ANAPC1: variants seen among roughly 807,000 people sequenced by gnomAD.
The protein encoded by ANAPC1 is anaphase-promoting complex subunit 1.
In ANAPC1, 36 loss-of-function variants were observed where a neutral mutation model predicts 208.0. That is an observed-to-expected ratio of 0.17 (90% CI 0.13 to 0.23). ANAPC1 has a LOEUF of 0.23. Ranked by LOEUF, ANAPC1 falls within the 10% of genes least tolerant of loss-of-function variation. The pLI, the probability that ANAPC1 is intolerant of heterozygous loss-of-function variation, is 1.00. For missense variants in ANAPC1, 942 were observed against 2,011.6 expected, an observed-to-expected ratio of 0.47 and a Z score of 10.17; for synonymous variants, 378 against 695.2, an observed-to-expected ratio of 0.54 and a Z score of 7.18.
At chr2:111,880,945 C>G in intron 1 of ANAPC1, 96 bp from the exon 2 acceptor site, 8 of 1,085,872 alleles carry the variant, frequency 7.4e-6, no homozygotes, top group Non-Finnish European at 9.3e-6. Flanking sequence ...ACATGGGTGT[C>G]AAGTAATTAT....
intron 17 of ANAPC1, among the ~76,000 whole-genome samples, chr2:111,841,006 G>A (rs1680730620): frequency 6.6e-6 from 1 of 152,170 alleles, no homozygotes; most frequent in African/African-American, 2.4e-5. Context: ...TAGCGCCACT[G>A]CATTCCAGCC....
intron 34 of ANAPC1, among the ~76,000 whole-genome samples, chr2:111,795,339 G>A (rs1373983001): frequency 5.3e-5 from 8 of 150,106 alleles, no homozygotes; most frequent in Admixed American, 1.3e-4. Context: ...CCAAGATCAC[G>A]CCACTGCACT....
At chr2:111,771,586 ATT>A (rs3055941) in intron 47 of ANAPC1, among the ~76,000 whole-genome samples, 1 of 144,056 alleles carries the variant, frequency 6.9e-6, no homozygotes. Context: ...CCCTTTTCTT[ATT>A]TTTTTTTTTT....
chr2:111,859,603 T>C (rs140114124), intron 10 of ANAPC1, among the ~76,000 whole-genome samples: 78 of 152,360 alleles, frequency 5.1e-4, no homozygotes, highest in African/African-American at 1.8e-3. Flanking sequence ...AGGATACTTT[T>C]GATATATGAG....
rs201894574 is a variant in ANAPC1 at position 111,876,257 on chromosome 2, A to T, written c.375+2553T>A. On this transcript the variant is annotated intron_variant, in intron 3 of 47. Coordinates refer to ENST00000341068, the MANE Select transcript of ANAPC1 (RefSeq NM_022662.4). ...AAACAAAAAGAATAAATGAAAAAAT[A>T]AAAAGAACAACCAAAAAAAAAATAC... Among the ~76,000 whole-genome samples, 3 of 135,032 alleles carry T rather than the reference A, an allele frequency of 2.2e-5. No homozygotes were observed. In the East Asian group the frequency reaches 6.7e-4, roughly 30 times the overall value. The allele number at this position is 135,032 out of a possible 152,430, so 88.6% of individuals were successfully genotyped here. A position where few individuals can be genotyped will look rare whatever the true frequency, so the allele number is the denominator to read the frequency against.
chr2:111,792,845 C>A (rs181813793), intron 37 of ANAPC1, among the ~76,000 whole-genome samples: 8 of 151,940 alleles, frequency 5.3e-5, no homozygotes, highest in Admixed American at 3.9e-4. Flanking sequence ...CCCAGCTGCT[C>A]GGGAGGCTGA....
intron 6 of ANAPC1, among the ~76,000 whole-genome samples, chr2:111,870,618 A>AGTTTG (rs1276980742): frequency 6.6e-6 from 1 of 152,144 alleles, no homozygotes; most frequent in Non-Finnish European, 1.5e-5. Context: ...TTGGATGCAT[A>AGTTTG]GTTTGCAAAT....
intron 26 of ANAPC1, among the ~76,000 whole-genome samples, chr2:111,819,897 G>A (rs907634546): frequency 4.6e-5 from 7 of 152,156 alleles, no homozygotes; most frequent in Non-Finnish European, 8.8e-5. Flanking sequence ...GAACACAACC[G>A]CAACATTAAT....
At chr2:111,828,222 A>G (rs1185938293) in intron 21 of ANAPC1, among the ~76,000 whole-genome samples, 2 of 152,212 alleles carry the variant, frequency 1.3e-5, no homozygotes, top group African/African-American at 4.8e-5. Context: ...AAACAATGAG[A>G]TATCACTTCA....
intron 26 of ANAPC1, among the ~76,000 whole-genome samples, chr2:111,820,440 G>A (rs1679466344): frequency 1.3e-5 from 2 of 148,258 alleles, no homozygotes; most frequent in African/African-American, 4.9e-5. Context: ...CTCAACTTCT[G>A]TCACTCCATC....
chr2:111,834,595 C>T lies in ANAPC1; in HGVS notation c.2384+9G>A. The T allele has an allele frequency of 6.4e-7, 1 of 1,566,266 alleles. No homozygotes were observed. The highest frequency in any genetic ancestry group is 8.6e-7 in the Non-Finnish European group (1 of 1,157,942). On this transcript the variant is annotated intron_variant, in intron 19 of 47. Coordinates refer to ENST00000341068, the MANE Select transcript of ANAPC1 (RefSeq NM_022662.4). ...TTCCTGGCAGTTTCTAACCTACAAA[C>T]AAATTTACCTTGCCAACTGAACGAG...
intron 35 of ANAPC1, among the ~76,000 whole-genome samples, chr2:111,794,596 C>T (rs1319878805): frequency 6.6e-6 from 1 of 152,024 alleles, no homozygotes; most frequent in Non-Finnish European, 1.5e-5. Flanking sequence ...GGATAAAAGA[C>T]AAATACATAC....
intron 9 of ANAPC1, among the ~76,000 whole-genome samples, chr2:111,862,904 G>A (rs1337023808): frequency 2.0e-5 from 3 of 151,812 alleles, no homozygotes; most frequent in Non-Finnish European, 4.4e-5. Context: ...TCCCTGTATA[G>A]TCAGACATAT....
intron 34 of ANAPC1, 122 bp from the exon 35 acceptor site, chr2:111,795,016 C>G: frequency 8.6e-7 from 1 of 1,157,624 alleles, no homozygotes; most frequent in Non-Finnish European, 1.2e-6. Flanking sequence ...TTTACCAAAC[C>G]ATTTCACTCA....
At position 111,824,919 on chromosome 2, in the gene ANAPC1, T is replaced by A. The variant is rs771996120; in HGVS notation, c.2812+47A>T. 2.0e-5 allele frequency: 32 copies of A among 1,606,990 alleles called. No individual in the cohort carries two copies. The East Asian group carries it at 7.1e-4, about 36-fold the overall frequency. On this transcript the variant is annotated intron_variant, in intron 24 of 47. Coordinates refer to ENST00000341068, the MANE Select transcript of ANAPC1 (RefSeq NM_022662.4). ...CCTCATGCCTTCCACTTCTAGCTAG[T>A]CTGGAGGAAGCACGGCCTAGTTAGG...
intron 5 of ANAPC1, chr2:111,872,969 GTTAACAATAGCCC>G (rs1682834535): frequency 1.9e-6 from 1 of 516,960 alleles, no homozygotes; most frequent in African/African-American, 1.9e-5. Flanking sequence ...ATGACAATGT[GTTAACAATAGCCC>G]TAGGCATTAA....
intron 13 of ANAPC1, among the ~76,000 whole-genome samples, chr2:111,852,727 C>T (rs1426864855): frequency 2.6e-5 from 4 of 151,794 alleles, no homozygotes; most frequent in Admixed American, 2.0e-4. Flanking sequence ...ATAGGTTTTA[C>T]GTACTTAAAT....
At chr2:111,815,918 CATT>C (rs1679207094) in intron 27 of ANAPC1, among the ~76,000 whole-genome samples, 1 of 148,406 alleles carries the variant, frequency 6.7e-6, no homozygotes, top group South Asian at 2.2e-4. Context: ...ACCAATTTAA[CATT>C]ATACAGAGAT....
chr2:111,807,811 CTG>C (rs1404688162), intron 29 of ANAPC1, among the ~76,000 whole-genome samples: 1 of 150,948 alleles, frequency 6.6e-6, no homozygotes, highest in Non-Finnish European at 1.5e-5. Context: ...AGCTGTGAGA[CTG>C]TGCAATGACA....
Sources: allele counts gnomAD v4.1 joint callset (sites outside exome capture counted in the v4.1 genomes callset), GRCh38; gene constraint gnomAD v4.1.1; transcripts MANE v1.5; gene names NCBI Gene and HGNC (gene_info 2026-07-23, HGNC 2026-07-21).